Variants in HHLA1 observed in about 807,000 individuals in gnomAD.
HHLA1 encodes HHLA1 neighbor of OC90.
Under a neutral mutation model 69.9 loss-of-function variants are expected in HHLA1, and 72 were observed. That is an observed-to-expected ratio of 1.03 (90% CI 0.85 to 1.25). The LOEUF (loss-of-function observed/expected upper bound fraction) is 1.25, where lower values mean the gene tolerates loss of function less well. Among genes scored for constraint, HHLA1 ranks in the 50% most tolerant of loss-of-function variants. The probability of loss-of-function intolerance (pLI) is 0.00; values close to 1 mark genes in which losing one functional copy is unlikely to be tolerated. For synonymous variants in HHLA1, 252 were observed against 233.2 expected (o/e 1.08, Z -0.73); for missense variants, 685 against 642.2 (o/e 1.07, Z -0.72).
intron 7 of HHLA1, among the ~76,000 whole-genome samples, chr8:132,092,192 C>T (rs921017467): frequency 6.6e-6 from 1 of 152,118 alleles, no homozygotes; most frequent in Non-Finnish European, 1.5e-5. Flanking sequence ...TATCGATTCT[C>T]CCACCTTCCT....
chr8:132,110,237 CAT>C (rs1205205981), intron 1 of HHLA1, among the ~76,000 whole-genome samples: 2 of 152,172 alleles, frequency 1.3e-5, no homozygotes, highest in Non-Finnish European at 2.9e-5. Context: ...GTGAGTGACA[CAT>C]GTTCTGAGGC....
At chr8:132,073,936 T>C (rs1299060941) in intron 14 of HHLA1, among the ~76,000 whole-genome samples, 5 of 152,088 alleles carry the variant, frequency 3.3e-5, no homozygotes, top group African/African-American at 1.2e-4. Context: ...ACCTCGCAAG[T>C]TTCCCTGCTT....
chr8:132,086,327 C>T (rs190881394), intron 10 of HHLA1, among the ~76,000 whole-genome samples: 1 of 152,114 alleles, frequency 6.6e-6, no homozygotes, highest in Non-Finnish European at 1.5e-5. Flanking sequence ...TCACCTCCCC[C>T]AGAATGCATG....
rs566445557 is a variant in HHLA1, at chr8:132,076,459, G to T, written c.1240+16C>A. The T allele has an allele frequency of 2.2e-6, 2 of 905,352 alleles. No homozygotes were observed. Among genetic ancestry groups the T allele is most frequent in the African/African-American group, 2.3e-5 (1 of 42,766 alleles). The allele number at this position is 905,352 out of a possible 1,614,324, so 56.1% of individuals were successfully genotyped here. A position where few individuals can be genotyped will look rare whatever the true frequency, so the allele number is the denominator to read the frequency against. ...CCCCCACCCCCAAACCCCCACTTCC[G>T]TACTGAGTTTCTCACCTGTTTGTGG... is the stretch of plus-strand genomic sequence containing the variant. On this transcript the variant is annotated intron_variant, in intron 13 of 16. Transcript: ENST00000414222.
intron 3 of HHLA1, among the ~76,000 whole-genome samples, chr8:132,102,894 TGAACTAAACACCA>T (rs1824134212): frequency 6.6e-6 from 1 of 151,942 alleles, no homozygotes; most frequent in Admixed American, 6.6e-5. Context: ...ATTTGAAGTC[TGAACTAAACACCA>T]GTGGAGCACA....
At chr8:132,079,642 T>A in intron 11 of HHLA1, 76 bp downstream of exon 11, 12 of 1,420,306 alleles carry the variant, frequency 8.4e-6, no homozygotes, top group Non-Finnish European at 1.0e-5. Flanking sequence ...GTAAGGATTT[T>A]GCTTATATAT....
chr8:132,100,756 G>A (rs11985749), intron 3 of HHLA1, among the ~76,000 whole-genome samples: 2,793 of 152,244 alleles, frequency 0.018, 93 homozygotes, highest in African/African-American at 0.064. Flanking sequence ...CTCACATGTC[G>A]TGACAAGAGA....
chr8:132,071,236 G>A, intron 15 of HHLA1, 104 bp downstream of exon 15: 2 of 992,940 alleles, frequency 2.0e-6, no homozygotes, highest in Non-Finnish European at 1.5e-6. Context: ...CTGCCTGTCT[G>A]TGGATTGCTT....
At chr8:132,069,503 C>T (rs1251286370) in intron 15 of HHLA1, among the ~76,000 whole-genome samples, 1 of 152,124 alleles carries the variant, frequency 6.6e-6, no homozygotes, top group Non-Finnish European at 1.5e-5. Context: ...AGTGAAAATA[C>T]ACAGAAAAGA....
At chr8:132,086,298 C>T (rs1322701860) in intron 10 of HHLA1, among the ~76,000 whole-genome samples, 2 of 152,116 alleles carry the variant, frequency 1.3e-5, no homozygotes, top group African/African-American at 2.4e-5. Flanking sequence ...TGGGCAGAGC[C>T]TGTGTTGGAT....
At chr8:132,064,076 T>C in intron 16 of HHLA1, 38 bp from the exon 17 acceptor site, 1 of 1,259,190 alleles carries the variant, frequency 7.9e-7, no homozygotes. Flanking sequence ...CTCAAGGTAC[T>C]GAGATATAAA....
At position 132,098,062 on chromosome 8, in the gene HHLA1, G is replaced by T. The variant is rs565174222; in HGVS notation, c.280+820C>A. On this transcript the variant is annotated intron_variant, in intron 5 of 16. Transcript: ENST00000414222. ...AAGCTCTCCCAGGCCAAAGATTTTTGGTTTTTATTTACTGCCTTATCCTCC... is the reference window on the plus strand; with the variant it reads ...AAGCTCTCCCAGGCCAAAGATTTTTTGTTTTTATTTACTGCCTTATCCTCC... Among the ~76,000 whole-genome samples the T allele has an allele frequency of 5.9e-5, 9 of 152,202 alleles. No individual in the cohort carries two copies. In the South Asian group the frequency reaches 1.9e-3, roughly 32 times the overall value.
chr8:132,084,773 G>T (rs2130887598), intron 10 of HHLA1, among the ~76,000 whole-genome samples: 1 of 150,790 alleles, frequency 6.6e-6, no homozygotes, highest in Admixed American at 6.6e-5. Context: ...AGGGGTGGGG[G>T]TGGTGGTTCT....
At chr8:132,082,424 A>C (rs1016677781) in intron 10 of HHLA1, among the ~76,000 whole-genome samples, 31 of 152,304 alleles carry the variant, frequency 2.0e-4, no homozygotes, top group African/African-American at 6.7e-4. Context: ...GACCACACTA[A>C]CCATGCCTAG....
intron 3 of HHLA1, among the ~76,000 whole-genome samples, chr8:132,102,417 A>G (rs969260303): frequency 2.0e-5 from 3 of 152,198 alleles, no homozygotes; most frequent in African/African-American, 7.2e-5. Context: ...CCCCTTTGCC[A>G]TAACAGGGCT....
At chr8:132,075,661 T>C (rs1423044910) in intron 14 of HHLA1, among the ~76,000 whole-genome samples, 1 of 152,224 alleles carries the variant, frequency 6.6e-6, no homozygotes, top group Non-Finnish European at 1.5e-5. Flanking sequence ...CCCTGCTCCT[T>C]GCAAGAGCAG....
intron 10 of HHLA1, among the ~76,000 whole-genome samples, chr8:132,082,486 T>C (rs1008314933): frequency 6.6e-6 from 1 of 152,004 alleles, no homozygotes; most frequent in Non-Finnish European, 1.5e-5. Context: ...GAGAGATCAG[T>C]CGGACATGAT....
intron 1 of HHLA1, among the ~76,000 whole-genome samples, chr8:132,105,536 G>A (rs1213819081): frequency 6.6e-6 from 1 of 152,166 alleles, no homozygotes; most frequent in African/African-American, 2.4e-5. Context: ...TAGTCACTCA[G>A]GGACCCCAGT....
At chr8:132,100,207 T>C (rs1187987579) in intron 3 of HHLA1, 73 bp from the exon 4 acceptor site, 2 of 1,148,486 alleles carry the variant, frequency 1.7e-6, no homozygotes, top group East Asian at 5.1e-5. Flanking sequence ...GAAGAAGCCT[T>C]GGAAGCCTCT....
Sources: allele counts gnomAD v4.1 joint callset (sites outside exome capture counted in the v4.1 genomes callset), GRCh38; gene constraint gnomAD v4.1.1; transcripts MANE v1.5; gene names NCBI Gene and HGNC (gene_info 2026-07-23, HGNC 2026-07-21).